PDE7B: variants seen among roughly 807,000 people sequenced by gnomAD.
The protein encoded by PDE7B is phosphodiesterase 7B.
PDE7B carries 29 observed loss-of-function variants against 56.2 expected under a neutral mutation model. The observed-to-expected ratio is 0.52, with a 90% CI of 0.38 to 0.70. The LOEUF (loss-of-function observed/expected upper bound fraction) is 0.70. PDE7B is among the 30% of genes least tolerant of loss of function. The probability of loss-of-function intolerance (pLI) is 0.00; values close to 1 mark genes in which losing one functional copy is unlikely to be tolerated. For synonymous variants in PDE7B, 197 were observed against 196.9 expected, an observed-to-expected ratio of 1.00 and a Z score of 0.00; for missense variants, 490 against 565.0, an observed-to-expected ratio of 0.87 and a Z score of 1.35.
At chr6:136,079,329 C>A (rs2128214893) in intron 2 of PDE7B, among the ~76,000 whole-genome samples, 1 of 152,298 alleles carries the variant, frequency 6.6e-6, no homozygotes, top group African/African-American at 2.4e-5. Flanking sequence ...ATCTATTTTA[C>A]ACATTAAGAC....
chr6:136,184,532 A>G (rs561840277), intron 11 of PDE7B, among the ~76,000 whole-genome samples: 3 of 152,214 alleles, frequency 2.0e-5, no homozygotes, highest in Non-Finnish European at 4.4e-5. Flanking sequence ...CGTAGAGAAC[A>G]TCTCCATCAT....
intron 1 of PDE7B, among the ~76,000 whole-genome samples, chr6:135,864,328 A>G (rs954560156): frequency 6.6e-6 from 1 of 152,250 alleles, no homozygotes; most frequent in Middle Eastern, 3.4e-3. Flanking sequence ...TCTTACAATT[A>G]CACATCTTCT....
At chr6:136,016,458 AG>A (rs1775978984) in intron 2 of PDE7B, among the ~76,000 whole-genome samples, 1 of 152,232 alleles carries the variant, frequency 6.6e-6, no homozygotes. Context: ...GCACCTAATA[AG>A]CGCTCGATAA....
intron 1 of PDE7B, among the ~76,000 whole-genome samples, chr6:135,867,838 G>C (rs1472916905): frequency 4.6e-5 from 7 of 152,166 alleles, no homozygotes; most frequent in Admixed American, 1.3e-4. Flanking sequence ...ACAAACTGGA[G>C]CTGCAGAAGT....
chr6:135,928,465 T>TTATATATATATATTTATTTATA (rs1294944166), intron 1 of PDE7B, among the ~76,000 whole-genome samples: 1 of 75,562 alleles, frequency 1.3e-5, no homozygotes, highest in Non-Finnish European at 2.6e-5. Flanking sequence ...ATATATATAT[T>TTATATATATATATTTATTTATA]TATTTATATA....
Position 135,960,036 on chromosome 6 carries a change from A to G in PDE7B, c.82+12512A>G, listed in dbSNP as rs542004092. Among the ~76,000 whole-genome samples, 6 of 152,214 alleles carry G rather than the reference A, an allele frequency of 3.9e-5. No individual in the cohort carries two copies. The East Asian group carries it at 5.8e-4, about 15-fold the overall frequency. On this transcript the variant is annotated intron_variant, in intron 2 of 12. Transcript: ENST00000308191. ...TGATTCTCTCACCTTGACCTTCATA[A>G]CAGAGTCTTAAGCAAATCTCTGAAT...
intron 11 of PDE7B, among the ~76,000 whole-genome samples, chr6:136,183,609 A>T (rs538852269): frequency 6.0e-5 from 9 of 150,524 alleles, no homozygotes; most frequent in African/African-American, 2.2e-4. Context: ...AAAAAAAAAA[A>T]AAAGAAAAAG....
chr6:136,183,536 C>T (rs1161710745), intron 11 of PDE7B, among the ~76,000 whole-genome samples: 13 of 142,624 alleles, frequency 9.1e-5, no homozygotes, highest in African/African-American at 3.4e-4. Flanking sequence ...GCAGAGCTTG[C>T]AGTGAGCCAA....
intron 8 of PDE7B, among the ~76,000 whole-genome samples, chr6:136,173,250 A>C (rs372508067): frequency 3.9e-5 from 6 of 152,272 alleles, no homozygotes; most frequent in South Asian, 2.1e-4. Context: ...TGACTTCAAA[A>C]TATACTACAA....
chr6:135,955,305 G>A (rs1421731332), intron 2 of PDE7B, among the ~76,000 whole-genome samples: 1 of 151,920 alleles, frequency 6.6e-6, no homozygotes, highest in Non-Finnish European at 1.5e-5. Context: ...GGGTGGAGTG[G>A]CATCAGGAAA....
intron 2 of PDE7B, among the ~76,000 whole-genome samples, chr6:135,962,482 T>C (rs1257492487): frequency 6.6e-6 from 1 of 152,202 alleles, no homozygotes; most frequent in African/African-American, 2.4e-5. Flanking sequence ...GCATATTTTT[T>C]ATTTCCCTTT....
intron 2 of PDE7B, among the ~76,000 whole-genome samples, chr6:136,004,915 A>T (rs1212102352): frequency 2.6e-5 from 4 of 152,040 alleles, no homozygotes; most frequent in Non-Finnish European, 5.9e-5. Context: ...AAGCCAAAAG[A>T]ACAAAGCTGG....
At chr6:136,021,149 C>T (rs2128208110) in intron 2 of PDE7B, among the ~76,000 whole-genome samples, 1 of 152,302 alleles carries the variant, frequency 6.6e-6, no homozygotes, top group East Asian at 1.9e-4. Context: ...CAAGGACTGG[C>T]TTTTCCCCTG....
At chr6:136,137,718 T>A (rs781549890) in intron 3 of PDE7B, among the ~76,000 whole-genome samples, 2 of 152,118 alleles carry the variant, frequency 1.3e-5, no homozygotes, top group Non-Finnish European at 2.9e-5. Context: ...ATACAGAGAC[T>A]ATTCCATAAA....
In PDE7B at chr6:135,872,815, A is replaced by G. The variant is rs1180341782; in HGVS notation, c.21+20796A>G. ...AGTTAATATATAATAAAATGCATTC[A>G]GTATACATGTGAACCTTGGAAAACA... On this transcript the variant is annotated intron_variant, in intron 1 of 12. Transcript: ENST00000308191. Among the ~76,000 whole-genome samples the G allele has an allele frequency of 6.6e-5, 10 of 152,194 alleles. 1 individual carries two copies. Among genetic ancestry groups the G allele is most frequent in the Admixed American group, 6.5e-4 (10 of 15,274 alleles).
At chr6:136,079,261 TGGC>T (rs1171144771) in intron 2 of PDE7B, among the ~76,000 whole-genome samples, 1 of 152,166 alleles carries the variant, frequency 6.6e-6, no homozygotes, top group East Asian at 1.9e-4. Flanking sequence ...CCATCAAGCA[TGGC>T]AGTACTCTGG....
Position 136,009,009 on chromosome 6 carries a change from A to T in PDE7B, c.82+61485A>T, listed in dbSNP as rs4895459. ...TTTAATCCATCTTGAATTAATTTTT[A>T]TATAAGGTGTAAGGAAGGGATCCAG... On this transcript the variant is annotated intron_variant, in intron 2 of 12. Coordinates refer to ENST00000308191, the MANE Select transcript of PDE7B (RefSeq NM_018945.4). Among the ~76,000 whole-genome samples the T allele has an allele frequency of 6.0e-5, 9 of 149,738 alleles. No homozygotes were observed. In the South Asian group the frequency reaches 1.7e-3, roughly 28 times the overall value.
Position 135,990,521 on chromosome 6 carries a change from A to G in PDE7B, c.82+42997A>G, listed in dbSNP as rs556968563. 9.2e-5 allele frequency among the ~76,000 whole-genome samples: 14 copies of G among 152,292 alleles called. No individual in the cohort carries two copies. The South Asian group carries it at 2.9e-3, about 32-fold the overall frequency. ...GAGGCTCCTTTTCCCCTCTGCTCCC[A>G]ACAGCTCTTGAAACAGAACCTGCTA... is the stretch of plus-strand genomic sequence containing the variant. On this transcript the variant is annotated intron_variant, in intron 2 of 12. Transcript: ENST00000308191.
chr6:135,983,003 C>A (rs1381709161), intron 2 of PDE7B, among the ~76,000 whole-genome samples: 3 of 152,162 alleles, frequency 2.0e-5, no homozygotes, highest in Non-Finnish European at 2.9e-5. Flanking sequence ...ATCTGATGAG[C>A]ACCATTAATG....
Sources: gnomAD v4.1 joint callset for allele counts (sites outside exome capture counted in the v4.1 genomes callset) on GRCh38, gnomAD v4.1.1 for gene constraint, MANE v1.5 for transcripts, NCBI Gene and HGNC (gene_info 2026-07-23, HGNC 2026-07-21) for gene names.